MYH16: variants seen among roughly 807,000 people sequenced by gnomAD.
The protein encoded by MYH16 is putative uncharacterized protein MYH16.
intron 23 of MYH16, among the ~76,000 whole-genome samples, chr7:99,281,965 A>G (rs2150821507): frequency 6.6e-6 from 1 of 152,350 alleles, no homozygotes; most frequent in South Asian, 2.1e-4. Flanking sequence ...TTTCAAGCAT[A>G]TCAGACCCAG....
intron 32 of MYH16, 55 bp downstream of exon 13, chr7:99,292,563 G>A (rs543635514): frequency 9.0e-6 from 4 of 445,252 alleles, no homozygotes; most frequent in South Asian, 6.3e-5. Flanking sequence ...GTGGTGCTGG[G>A]GGCCTCACCA....
exon 29 of MYH16, chr7:99,287,959 T>C (rs1359205817): frequency 2.2e-6 from 1 of 456,628 alleles, no homozygotes; most frequent in Non-Finnish European, 4.4e-6. Context: ...GAGGCCGCCC[T>C]GCAGAGCGAG....
intron 33 of MYH16, 38 bp downstream of exon 14, chr7:99,294,188 G>T (rs980150074): frequency 2.3e-6 from 1 of 443,550 alleles, no homozygotes; most frequent in Admixed American, 2.5e-5. Flanking sequence ...CTATTTACCG[G>T]GGCAGAGAGC....
rs923763993 is a variant in MYH16 at position 99,284,950 on chromosome 7, G to C, written n.3316+15G>C. The C allele has an allele frequency of 1.3e-5, 6 of 456,420 alleles. No homozygotes were observed. The highest frequency in any genetic ancestry group is 2.6e-5 in the Non-Finnish European group (6 of 226,966). 28.3% of individuals were successfully genotyped at this position (456,420 alleles called of 1,614,324 possible). A position where few individuals can be genotyped will look rare whatever the true frequency, so the allele number is the denominator to read the frequency against. ...AGGAGCACCAGGTATGTCCAGGACC[G>C]AGAAGCATGAGCTCTCTGTCAGAAA... On this transcript the variant is annotated intron_variant and non_coding_transcript_variant, in intron 26 of 41. Coordinates refer to ENST00000439784, the Ensembl canonical transcript of MYH16.
At chr7:99,242,981 C>T (rs1408713397) in intron 1 of MYH16, among the ~76,000 whole-genome samples, 5 of 152,158 alleles carry the variant, frequency 3.3e-5, no homozygotes, top group South Asian at 4.2e-4. Flanking sequence ...AGGGAGGGAA[C>T]GTCATAGTTT....
intron 27 of MYH16, 61 bp downstream of exon 9, chr7:99,285,499 C>T: frequency 2.2e-6 from 1 of 454,414 alleles, no homozygotes; most frequent in Non-Finnish European, 4.4e-6. Context: ...ACACATCCAA[C>T]CATGAATAGA....
chr7:99,295,651 G>A (rs765514598), intron 33 of MYH16, among the ~76,000 whole-genome samples: 4 of 152,008 alleles, frequency 2.6e-5, no homozygotes, highest in South Asian at 2.1e-4. Flanking sequence ...ACGTAGGCAG[G>A]AGGTCATATC....
At chr7:99,291,865 A>G (rs1792385217) in intron 31 of MYH16, among the ~76,000 whole-genome samples, 1 of 152,030 alleles carries the variant, frequency 6.6e-6, no homozygotes, top group Admixed American at 6.6e-5. Flanking sequence ...AGGCCGACAC[A>G]GGTGGAGGCA....
exon 1 of MYH16, chr7:99,238,910 G>T (rs571878231): frequency 1.8e-4 from 28 of 152,962 alleles, no homozygotes; most frequent in Non-Finnish European, 3.5e-4. Flanking sequence ...GGAGAGGATT[G>T]AAGCCATGAA....
intron 2 of MYH16, chr7:99,243,469 G>C (rs181691443): frequency 1.3e-5 from 2 of 152,824 alleles, no homozygotes; most frequent in African/African-American, 4.8e-5. Context: ...AGTGGCTGTA[G>C]ATCTTCTGCT....
rs901760857 is a variant in MYH16, at chr7:99,283,551, A to G, written n.2993-14A>G. On this transcript the variant is annotated splice_polypyrimidine_tract_variant and intron_variant and non_coding_transcript_variant, in intron 23 of 41. Coordinates refer to ENST00000439784, the Ensembl canonical transcript of MYH16. Reference sequence around the variant, plus strand: ...TGGGCCTCGTGGCACTCACGTGTGTATCTGTCCTTCCAGAAAACCCTGGAC... The same window carrying G: ...TGGGCCTCGTGGCACTCACGTGTGTGTCTGTCCTTCCAGAAAACCCTGGAC... 5 of 455,624 alleles carry G rather than the reference A, an allele frequency of 1.1e-5. No homozygotes were observed. The highest frequency in any genetic ancestry group is 2.2e-5 in the Non-Finnish European group (5 of 226,976). The allele number at this position is 455,624 out of a possible 1,614,324, so 28.2% of individuals were successfully genotyped here.
chr7:99,288,220 T>A, intron 29 of MYH16, 83 bp downstream of exon 10: 1 of 427,944 alleles, frequency 2.3e-6, no homozygotes, highest in African/African-American at 2.0e-5. Context: ...GGAGGATTGC[T>A]TTTGAGAGGC....
chr7:99,281,200 G>A (rs546581872), intron 23 of MYH16, among the ~76,000 whole-genome samples: 1 of 152,228 alleles, frequency 6.6e-6, no homozygotes, highest in Non-Finnish European at 1.5e-5. Context: ...TTATAAGTGG[G>A]GTGACAATAT....
intron 4 of MYH16, among the ~76,000 whole-genome samples, chr7:99,249,611 G>C (rs1469104390): frequency 9.5e-6 from 1 of 104,878 alleles, no homozygotes; most frequent in Admixed American, 1.3e-4. Flanking sequence ...ATGGAGTCTT[G>C]CTCTGCCACC....
intron 23 of MYH16, 55 bp downstream of exon 5, chr7:99,281,035 G>A (rs1792193060): frequency 3.5e-6 from 1 of 283,298 alleles, no homozygotes; most frequent in Non-Finnish European, 7.2e-6. Flanking sequence ...GGCACAATGT[G>A]CTTTCCATTG....
At chr7:99,249,326 C>A (rs925053064) in intron 4 of MYH16, among the ~76,000 whole-genome samples, 1 of 151,648 alleles carries the variant, frequency 6.6e-6, no homozygotes, top group African/African-American at 2.4e-5. Context: ...GCAGGAGGAT[C>A]GCTGGAACCC....
chr7:99,284,356 G>A lies in MYH16; in HGVS notation n.3225+338G>A, dbSNP rs889831960. Among the ~76,000 whole-genome samples, 12 of 152,258 alleles carry A rather than the reference G, an allele frequency of 7.9e-5. No individual in the cohort carries two copies. The South Asian group carries it at 2.1e-3, about 26-fold the overall frequency. On this transcript the variant is annotated intron_variant and non_coding_transcript_variant, in intron 25 of 41. Transcript: ENST00000439784. The stretch of plus-strand genomic sequence containing the variant: ...CTGTAATCCCAGCACTTTGGGATGC[G>A]AAGGCAGGAGGATGGCTTGAGGCCA...
intron 9 of MYH16, among the ~76,000 whole-genome samples, chr7:99,256,390 G>A (rs1035886320): frequency 7.2e-5 from 11 of 151,750 alleles, no homozygotes; most frequent in Non-Finnish European, 1.6e-4. Flanking sequence ...GATCACTTGA[G>A]CCCAGGAGTT....
chr7:99,274,650 C>T (rs928739480), intron 20 of MYH16, among the ~76,000 whole-genome samples: 1 of 150,042 alleles, frequency 6.7e-6, no homozygotes. Flanking sequence ...CATGACTCAC[C>T]TTTCTTTACA....
Sources: allele counts gnomAD v4.1 joint callset (sites outside exome capture counted in the v4.1 genomes callset), GRCh38; gene constraint gnomAD v4.1.1; transcripts MANE v1.5; gene names NCBI Gene and HGNC (gene_info 2026-07-23, HGNC 2026-07-21).